The following ADAMTSL3 variants were observed in gnomAD, a reference collection of about 807,000 sequenced individuals.
The protein encoded by ADAMTSL3 is ADAMTS like 3.
Under a neutral mutation model 201.7 loss-of-function variants are expected in ADAMTSL3, and 128 were observed. The ratio of observed to expected loss-of-function variants is 0.63; its 90% CI spans 0.55 to 0.73. The LOEUF (loss-of-function observed/expected upper bound fraction) is 0.73. ADAMTSL3 is among the 30% of genes least tolerant of loss of function. The pLI, the probability that ADAMTSL3 is intolerant of heterozygous loss-of-function variation, is 0.00. For synonymous variants in ADAMTSL3, 738 were observed against 748.4 expected, an observed-to-expected ratio of 0.99 and a Z score of 0.23; for missense variants, 1,990 against 2,119.6, an observed-to-expected ratio of 0.94 and a Z score of 1.20.
intron 22 of ADAMTSL3, among the ~76,000 whole-genome samples, 194 bp downstream of exon 22, chr15:83,989,012 G>A (rs1329584011): frequency 2.0e-5 from 3 of 151,704 alleles, no homozygotes; most frequent in Admixed American, 1.3e-4. Context: ...CTCCCGAGTA[G>A]CTGGGGACTA....
At chr15:83,801,661 T>C (rs372004820) in intron 4 of ADAMTSL3, among the ~76,000 whole-genome samples, 1 of 56,468 alleles carries the variant, frequency 1.8e-5, no homozygotes, top group East Asian at 4.9e-4. Flanking sequence ...AATATATATA[T>C]ATATATATAT....
chr15:83,707,370 A>G (rs941701490), intron 3 of ADAMTSL3, among the ~76,000 whole-genome samples: 2 of 152,378 alleles, frequency 1.3e-5, no homozygotes, highest in Middle Eastern at 3.4e-3. Flanking sequence ...AATCTCAGAT[A>G]TGCTTATGCT....
At chr15:83,883,161 T>C (rs1045411394) in intron 9 of ADAMTSL3, among the ~76,000 whole-genome samples, 5 of 150,694 alleles carry the variant, frequency 3.3e-5, no homozygotes, top group African/African-American at 9.7e-5. Context: ...TTTATTTTAT[T>C]TTATTTTATT....
intron 26 of ADAMTSL3, among the ~76,000 whole-genome samples, chr15:84,023,197 A>G (rs2068236961): frequency 6.6e-6 from 1 of 152,248 alleles, no homozygotes; most frequent in African/African-American, 2.4e-5. Flanking sequence ...AAATCAATGA[A>G]TGAATGATTA....
At chr15:83,902,020 T>C (rs780619458) in intron 15 of ADAMTSL3, among the ~76,000 whole-genome samples, 3 of 152,194 alleles carry the variant, frequency 2.0e-5, no homozygotes, top group Non-Finnish European at 2.9e-5. Flanking sequence ...GAAGCCTGGA[T>C]TCTTTCTTGG....
At chr15:83,960,144 G>A (rs2098842949) in intron 19 of ADAMTSL3, among the ~76,000 whole-genome samples, 1 of 152,096 alleles carries the variant, frequency 6.6e-6, no homozygotes, top group Non-Finnish European at 1.5e-5. Context: ...AAAAGCTTTT[G>A]TCTATACTGA....
intron 4 of ADAMTSL3, 130 bp downstream of exon 4, chr15:83,773,780 T>TA: frequency 7.8e-7 from 1 of 1,283,368 alleles, no homozygotes. Context: ...TTTGTCTAAA[T>TA]ATTAGTCAAC....
intron 8 of ADAMTSL3, among the ~76,000 whole-genome samples, chr15:83,865,365 C>T (rs1297073273): frequency 1.3e-5 from 2 of 152,156 alleles, no homozygotes; most frequent in African/African-American, 4.8e-5. Context: ...TCAAGCTATA[C>T]TACAAGGCTA....
At chr15:83,695,451 G>A (rs1244651388) in intron 2 of ADAMTSL3, among the ~76,000 whole-genome samples, 1 of 151,974 alleles carries the variant, frequency 6.6e-6, no homozygotes, top group Non-Finnish European at 1.5e-5. Context: ...TTCTGAGTAA[G>A]GGAAGCACTC....
At chr15:83,923,665 T>C (rs995127977) in intron 16 of ADAMTSL3, among the ~76,000 whole-genome samples, 3 of 152,122 alleles carry the variant, frequency 2.0e-5, no homozygotes, top group Admixed American at 1.3e-4. Flanking sequence ...TAAGTAGATT[T>C]GGGAGAGAGG....
At chr15:83,844,777 T>C (rs2064459888) in intron 7 of ADAMTSL3, among the ~76,000 whole-genome samples, 2 of 152,288 alleles carry the variant, frequency 1.3e-5, no homozygotes, top group South Asian at 4.1e-4. Flanking sequence ...AGAGAGATAA[T>C]GGAAAAATAG....
At chr15:83,929,699 CAGAG>C (rs1555461707) in intron 17 of ADAMTSL3, among the ~76,000 whole-genome samples, 24 of 150,192 alleles carry the variant, frequency 1.6e-4, no homozygotes, top group South Asian at 4.2e-4. Flanking sequence ...CACACACACA[CAGAG>C]AGAGACAGAG....
At chr15:83,910,324 T>G (rs2065908279) in intron 15 of ADAMTSL3, among the ~76,000 whole-genome samples, 1 of 151,076 alleles carries the variant, frequency 6.6e-6, no homozygotes, top group Non-Finnish European at 1.5e-5. Context: ...CCTTTCTTTC[T>G]TTAAAAAAAA....
At chr15:84,037,511 G>C (rs1430368787) in intron 29 of ADAMTSL3, among the ~76,000 whole-genome samples, 189 bp from the exon 30 acceptor site, 2 of 152,178 alleles carry the variant, frequency 1.3e-5, no homozygotes, top group African/African-American at 4.8e-5. Context: ...AGCAGCAAGA[G>C]GTCACTTGGC....
intron 4 of ADAMTSL3, among the ~76,000 whole-genome samples, chr15:83,797,628 T>A (rs866641843): frequency 3.9e-5 from 6 of 152,004 alleles, no homozygotes; most frequent in South Asian, 2.1e-4. Context: ...GAATATGAAA[T>A]GACATATTTC....
chr15:83,678,483 A>G (rs1457635217), intron 2 of ADAMTSL3, among the ~76,000 whole-genome samples: 1 of 151,872 alleles, frequency 6.6e-6, no homozygotes, highest in Non-Finnish European at 1.5e-5. Context: ...CTGTGGTTTC[A>G]GATGAGAAAT....
At chr15:83,676,804 G>T (rs186818407) in intron 2 of ADAMTSL3, among the ~76,000 whole-genome samples, 3 of 152,314 alleles carry the variant, frequency 2.0e-5, no homozygotes, top group East Asian at 3.9e-4. Flanking sequence ...GCCAAAAGGC[G>T]CTTGTTTGCC....
intron 7 of ADAMTSL3, among the ~76,000 whole-genome samples, chr15:83,854,325 G>A (rs117560869): frequency 0.014 from 2,091 of 152,060 alleles, 30 homozygotes; most frequent in Non-Finnish European, 0.021. Flanking sequence ...GTCTAATCCA[G>A]ACAAAATTTG....
chr15:83,946,238 A>G (rs1339818505), intron 19 of ADAMTSL3, among the ~76,000 whole-genome samples: 1 of 152,134 alleles, frequency 6.6e-6, no homozygotes, highest in Non-Finnish European at 1.5e-5. Flanking sequence ...TGGTGACATC[A>G]CCACTTTCCT....
Sources: gnomAD v4.1 joint callset for allele counts (sites outside exome capture counted in the v4.1 genomes callset) on GRCh38, gnomAD v4.1.1 for gene constraint, MANE v1.5 for transcripts, NCBI Gene and HGNC (gene_info 2026-07-23, HGNC 2026-07-21) for gene names.